SGCZ: variants seen among roughly 807,000 people sequenced by gnomAD.
SGCZ encodes the protein sarcoglycan zeta, also known as zeta-sarcoglycan.
In SGCZ, 40 loss-of-function variants were observed where a neutral mutation model predicts 41.3. The observed-to-expected ratio is 0.97, with a 90% CI of 0.75 to 1.26. The LOEUF (loss-of-function observed/expected upper bound fraction) is 1.26. Ranked by LOEUF, SGCZ falls within the 50% of genes most tolerant of loss-of-function variation. The pLI is 0.00. For missense variants in SGCZ, 552 were observed against 369.8 expected (o/e 1.49, Z -4.04); for synonymous variants, 206 against 137.5 (o/e 1.50, Z -3.49).
At chr8:14,394,376 C>T (rs1804904485) in intron 2 of SGCZ, among the ~76,000 whole-genome samples, 2 of 152,062 alleles carry the variant, frequency 1.3e-5, no homozygotes, top group South Asian at 4.1e-4. Context: ...GTCTCGATCT[C>T]CTGACCTCGT....
At chr8:14,674,939 T>G (rs1268472648) in intron 1 of SGCZ, among the ~76,000 whole-genome samples, 2 of 109,680 alleles carry the variant, frequency 1.8e-5, no homozygotes, top group Admixed American at 9.0e-5. Context: ...TTTTTTTTTT[T>G]TTTTTTTTTT....
At chr8:14,530,849 T>C (rs570506882) in intron 2 of SGCZ, among the ~76,000 whole-genome samples, 1 of 152,230 alleles carries the variant, frequency 6.6e-6, no homozygotes, top group South Asian at 2.1e-4. Context: ...ATAGTTCTTG[T>C]AGTGATAAAT....
intron 1 of SGCZ, among the ~76,000 whole-genome samples, chr8:14,803,403 T>C (rs529455508): frequency 7.2e-5 from 11 of 152,150 alleles, no homozygotes; most frequent in South Asian, 4.1e-4. Flanking sequence ...GGGTGAGGCA[T>C]TGCCTCACTC....
chr8:15,139,661 C>T (rs2116993067), intron 1 of SGCZ, among the ~76,000 whole-genome samples: 1 of 147,836 alleles, frequency 6.8e-6, no homozygotes, highest in African/African-American at 2.4e-5. Context: ...ACCAAAATTC[C>T]AAATACCATA....
chr8:14,123,554 C>T (rs1802763302), intron 5 of SGCZ, among the ~76,000 whole-genome samples: 1 of 152,144 alleles, frequency 6.6e-6, no homozygotes, highest in South Asian at 2.1e-4. Flanking sequence ...CATCCAGAGC[C>T]ATGACCAAGA....
chr8:14,166,598 C>T (rs1394282422), intron 4 of SGCZ, among the ~76,000 whole-genome samples: 1 of 152,148 alleles, frequency 6.6e-6, no homozygotes, highest in East Asian at 1.9e-4. Flanking sequence ...TACTCAGTTG[C>T]TGAGCATAAT....
At position 14,400,072 on chromosome 8, in the gene SGCZ, A is replaced by G. The variant is rs529017252; in HGVS notation, c.235-75868T>C. On this transcript the variant is annotated intron_variant, in intron 2 of 7. Coordinates refer to ENST00000382080, the MANE Select transcript of SGCZ (RefSeq NM_139167.4). ...TTGCTAATCTACTTTATGTCTCTAT[A>G]TATTTGCTTATTCTGAACATTTTGC... Among the ~76,000 whole-genome samples, 5 of 152,028 alleles carry G rather than the reference A, an allele frequency of 3.3e-5. No homozygotes were observed. The South Asian group carries it at 8.3e-4, about 25-fold the overall frequency.
chr8:15,045,043 A>G (rs951748428), intron 1 of SGCZ, among the ~76,000 whole-genome samples: 1 of 152,068 alleles, frequency 6.6e-6, no homozygotes, highest in Non-Finnish European at 1.5e-5. Flanking sequence ...GATATCAGAT[A>G]TATAAGCCAT....
At chr8:14,933,183 C>G (rs1402053626) in intron 1 of SGCZ, among the ~76,000 whole-genome samples, 1 of 151,934 alleles carries the variant, frequency 6.6e-6, no homozygotes, top group Non-Finnish European at 1.5e-5. Flanking sequence ...ACGTCAGAAA[C>G]ACACAATTCA....
At chr8:14,920,623 G>A (rs1262181444) in intron 1 of SGCZ, among the ~76,000 whole-genome samples, 1 of 152,050 alleles carries the variant, frequency 6.6e-6, no homozygotes, top group Non-Finnish European at 1.5e-5. Flanking sequence ...CATAGAGGAG[G>A]CTATTAACAT....
At chr8:14,762,375 C>CT (rs34712463) in intron 1 of SGCZ, among the ~76,000 whole-genome samples, 59,722 of 151,840 alleles carry the variant, frequency 0.39, 12,682 homozygotes, top group East Asian at 0.51. Flanking sequence ...TAGTAGTGTA[C>CT]TTTGGCAAAT....
chr8:14,364,737 C>T (rs1803638292), intron 2 of SGCZ, among the ~76,000 whole-genome samples: 1 of 151,936 alleles, frequency 6.6e-6, no homozygotes, highest in Non-Finnish European at 1.5e-5. Context: ...TGCATAAGTT[C>T]TTGGTATATT....
intron 1 of SGCZ, among the ~76,000 whole-genome samples, chr8:14,872,065 G>A (rs529985766): frequency 1.1e-4 from 16 of 151,826 alleles, no homozygotes; most frequent in Admixed American, 3.9e-4. Context: ...AACTAACACA[G>A]GAACAGAAAA....
chr8:14,224,143 A>T (rs4831557), intron 4 of SGCZ, among the ~76,000 whole-genome samples: 2 of 152,192 alleles, frequency 1.3e-5, no homozygotes, highest in African/African-American at 2.4e-5. Flanking sequence ...AATGTACACA[A>T]GTTTGACTTT....
At chr8:14,527,981 G>C (rs1803006395) in intron 2 of SGCZ, among the ~76,000 whole-genome samples, 1 of 152,044 alleles carries the variant, frequency 6.6e-6, no homozygotes, top group South Asian at 2.1e-4. Context: ...TATCATATGA[G>C]TGAACTTACA....
chr8:14,681,976 T>A (rs1808462419), intron 1 of SGCZ, among the ~76,000 whole-genome samples: 1 of 152,088 alleles, frequency 6.6e-6, no homozygotes, highest in African/African-American at 2.4e-5. Context: ...AATAATGACT[T>A]TAATATTCAT....
At chr8:14,261,677 A>G (rs554830590) in intron 3 of SGCZ, among the ~76,000 whole-genome samples, 1 of 152,290 alleles carries the variant, frequency 6.6e-6, no homozygotes, top group African/African-American at 2.4e-5. Flanking sequence ...GATCATACCA[A>G]CCAAGCAATG....
At chr8:15,045,491 C>T (rs1804270380) in intron 1 of SGCZ, among the ~76,000 whole-genome samples, 1 of 152,028 alleles carries the variant, frequency 6.6e-6, no homozygotes, top group Non-Finnish European at 1.5e-5. Context: ...AACCAAGTTG[C>T]TTTCCTTGGG....
At chr8:15,114,703 G>T (rs4142660) in intron 1 of SGCZ, among the ~76,000 whole-genome samples, 87,128 of 151,618 alleles carry the variant, frequency 0.57, 26,329 homozygotes, top group Admixed American at 0.71. Flanking sequence ...TTATACACAG[G>T]GTAGCGCTCC....
Sources: allele counts gnomAD v4.1 joint callset (sites outside exome capture counted in the v4.1 genomes callset), GRCh38; gene constraint gnomAD v4.1.1; transcripts MANE v1.5; gene names NCBI Gene and HGNC (gene_info 2026-07-23, HGNC 2026-07-21).